NECTIN1: variants seen among roughly 807,000 people sequenced by gnomAD.
The protein encoded by NECTIN1 is nectin cell adhesion molecule 1, also known as nectin-1.
A neutral mutation model predicts 48.0 loss-of-function variants in NECTIN1; 23 were observed. The observed-to-expected ratio is 0.48, with a 90% CI of 0.34 to 0.68. NECTIN1 has a LOEUF of 0.68. Among genes scored for constraint, NECTIN1 ranks in the 30% least tolerant of loss-of-function variants. NECTIN1 has a pLI of 0.01. For synonymous variants in NECTIN1, 270 were observed against 288.9 expected, an observed-to-expected ratio of 0.93 and a Z score of 0.66; for missense variants, 591 against 709.9, an observed-to-expected ratio of 0.83 and a Z score of 1.90.
At chr11:119,671,175 C>T (rs562562383) in intron 5 of NECTIN1, among the ~76,000 whole-genome samples, 5 of 151,690 alleles carry the variant, frequency 3.3e-5, no homozygotes, top group East Asian at 2.0e-4. Flanking sequence ...TGGAGTGGAG[C>T]GTCCTCCCCT....
intron 5 of NECTIN1, among the ~76,000 whole-genome samples, chr11:119,645,912 C>T (rs945626407): frequency 1.3e-5 from 2 of 152,194 alleles, no homozygotes; most frequent in Non-Finnish European, 2.9e-5. Context: ...CTTTCCTTGG[C>T]TCAGACTCAG....
intron 1 of NECTIN1, among the ~76,000 whole-genome samples, chr11:119,719,820 G>GAT (rs1865798467): frequency 6.6e-6 from 1 of 152,214 alleles, no homozygotes; most frequent in African/African-American, 2.4e-5. Flanking sequence ...TGTTGGCAGG[G>GAT]GGTGGCATGG....
intron 5 of NECTIN1, among the ~76,000 whole-genome samples, chr11:119,648,889 C>G (rs1277597064): frequency 6.6e-6 from 1 of 152,162 alleles, no homozygotes; most frequent in East Asian, 1.9e-4. Flanking sequence ...GCTGGCAGGG[C>G]TCCGACACTC....
At position 119,674,572 on chromosome 11, in the gene NECTIN1, G is replaced by A. The variant is rs759999634; in HGVS notation, c.1003+587C>T. The A allele has an allele frequency of 3.5e-5, 56 of 1,614,122 alleles. 1 individual carries two copies. The highest frequency in any genetic ancestry group is 2.6e-4 in the South Asian group (24 of 91,078). On this transcript the variant is annotated intron_variant, in intron 5 of 5. Coordinates refer to ENST00000264025, the MANE Select transcript of NECTIN1 (RefSeq NM_002855.5). ...GACATCAAGCCCATGCTCCTTTCAC[G>A]TCCCAGGTGAAGTCTCTCCTCAGAA...
chr11:119,708,890 G>A (rs1013813828), intron 1 of NECTIN1, among the ~76,000 whole-genome samples: 3 of 152,230 alleles, frequency 2.0e-5, no homozygotes, highest in South Asian at 4.2e-4. Flanking sequence ...ACCCCCAAGC[G>A]TGGGGGCCCT....
intron 5 of NECTIN1, among the ~76,000 whole-genome samples, chr11:119,649,626 G>A (rs1407602294): frequency 6.6e-6 from 1 of 152,148 alleles, no homozygotes; most frequent in Non-Finnish European, 1.5e-5. Flanking sequence ...GGAGGCGGAG[G>A]TTGCAGTGAG....
At chr11:119,679,743 C>T (rs1037472494) in intron 1 of NECTIN1, among the ~76,000 whole-genome samples, 5 of 152,116 alleles carry the variant, frequency 3.3e-5, no homozygotes, top group African/African-American at 9.7e-5. Flanking sequence ...AATTGAGTCC[C>T]GGCCTCCATG....
In NECTIN1 at chr11:119,663,410, A is replaced by C; in HGVS notation, c.*1337T>G. ...AAGAAGGGAATCTGCACTGAAAGGG[A>C]GGGCTTCTCCTAGGCCCTCCCCTCA... On this transcript the variant is annotated 3_prime_UTR_variant, in exon 6 of 6. Transcript: ENST00000264025. The C allele has an allele frequency of 6.1e-6, 6 of 985,438 alleles. No homozygotes were observed. The highest frequency in any genetic ancestry group is 7.2e-6 in the Non-Finnish European group (6 of 829,930). The allele number at this position is 985,438 out of a possible 1,614,324, so 61.0% of individuals were successfully genotyped here. A position where few individuals can be genotyped will look rare whatever the true frequency, so the allele number is the denominator to read the frequency against.
chr11:119,685,366 G>C (rs1039715080), intron 1 of NECTIN1, among the ~76,000 whole-genome samples: 1 of 152,252 alleles, frequency 6.6e-6, no homozygotes, highest in East Asian at 1.9e-4. Flanking sequence ...ACAGTGCGTG[G>C]GAGAGGAGGG....
In NECTIN1 at chr11:119,664,250, A is replaced by G. The variant is rs901945351; in HGVS notation, c.*497T>C. On this transcript the variant is annotated 3_prime_UTR_variant, in exon 6 of 6. Coordinates refer to ENST00000264025, the MANE Select transcript of NECTIN1 (RefSeq NM_002855.5). ...ACCCAAGGTCCAAACTCCCAGCTGC[A>G]TCAGATTTCACTGGTGGGTGTTGGG... 1 of 991,618 alleles carries G rather than the reference A, an allele frequency of 1.0e-6. No homozygotes were observed. The highest frequency in any genetic ancestry group is 1.2e-6 in the Non-Finnish European group (1 of 833,540). The allele number at this position is 991,618 out of a possible 1,614,324, so 61.4% of individuals were successfully genotyped here.
At position 119,675,320 on chromosome 11, in the gene NECTIN1, G is replaced by A. The variant is rs200328730; in HGVS notation, c.852-10C>T. 7.4e-6 allele frequency: 12 copies of A among 1,614,178 alleles called. No individual in the cohort carries two copies. The African/African-American group carries it at 1.5e-4, about 20-fold the overall frequency. Reference sequence around the variant, plus strand: ...GAGAGAGCCATTTAGCCTGTGGGAAGTGGGAGACACAGCGTAGGGTTATGA... The same window carrying A: ...GAGAGAGCCATTTAGCCTGTGGGAAATGGGAGACACAGCGTAGGGTTATGA... On this transcript the variant is annotated splice_polypyrimidine_tract_variant and intron_variant, in intron 4 of 5. Coordinates refer to ENST00000264025, the MANE Select transcript of NECTIN1 (RefSeq NM_002855.5).
intron 1 of NECTIN1, among the ~76,000 whole-genome samples, chr11:119,695,206 GGTC>G (rs1392942111): frequency 6.6e-6 from 1 of 151,914 alleles, no homozygotes; most frequent in Non-Finnish European, 1.5e-5. Flanking sequence ...ACAAGTCCCC[GGTC>G]GCTCTCCACT....
At position 119,674,519 on chromosome 11, in the gene NECTIN1, GGGGCCCT is replaced by G. The variant is rs1190940553; in HGVS notation, c.1003+633_1003+639del. On this transcript the variant is annotated intron_variant, in intron 5 of 5. Coordinates refer to ENST00000264025, the MANE Select transcript of NECTIN1 (RefSeq NM_002855.5). ...TGTCCCCGTTTTACAGATGGTGGGG[GGGGCCCT>G]GTCCAGGGTCACAGCTGTCTGACAT... 7 of 1,613,948 alleles carry G rather than the reference GGGGCCCT, an allele frequency of 4.3e-6. No homozygotes were observed. The African/African-American group carries it at 8.0e-5, about 18-fold the overall frequency.
chr11:119,716,651 C>T (rs1220600632), intron 1 of NECTIN1, among the ~76,000 whole-genome samples: 2 of 152,236 alleles, frequency 1.3e-5, no homozygotes, highest in African/African-American at 2.4e-5. Flanking sequence ...GACTGACCTT[C>T]GCCGGTTCTC....
At chr11:119,674,258 C>G (rs74795287) in intron 5 of NECTIN1, 2 of 1,074,824 alleles carry the variant, frequency 1.9e-6, no homozygotes, top group Non-Finnish European at 2.4e-6. Flanking sequence ...CTCGGTCACC[C>G]TGTCACCCTG....
chr11:119,676,325 C>T (rs181292576), intron 4 of NECTIN1, among the ~76,000 whole-genome samples: 1 of 152,344 alleles, frequency 6.6e-6, no homozygotes, highest in East Asian at 1.9e-4. Context: ...CAGGCTCTGC[C>T]CACTCACACC....
At chr11:119,638,766 T>A in exon 7 of NECTIN1, 1 of 1,614,028 alleles carries the variant, frequency 6.2e-7, no homozygotes, top group South Asian at 1.1e-5. Context: ...CTTTGCCTGC[T>A]GGGAGAAGGC....
intron 5 of NECTIN1, among the ~76,000 whole-genome samples, chr11:119,648,289 A>ATGC (rs1565376468): frequency 0.016 from 171 of 10,756 alleles, 45 homozygotes; most frequent in Non-Finnish European, 0.022. Flanking sequence ...GGTGGTGGTG[A>ATGC]TGGTGGTGGT....
At position 119,678,078 on chromosome 11, in the gene NECTIN1, C is replaced by T. The variant is rs375420524; in HGVS notation, c.431-221G>A. ...GCCCTACTAGTCATATCCCTGTCAT[C>T]GAGCTTAGGCCTCCTGGAGTCCCAG... On this transcript the variant is annotated intron_variant, in intron 2 of 5. Coordinates refer to ENST00000264025, the MANE Select transcript of NECTIN1 (RefSeq NM_002855.5). This position sits in a 1 kb window ranked among gnomAD's most constrained non-coding sequence, Gnocchi z 4.4. Among the ~76,000 whole-genome samples, 18 of 152,150 alleles carry T rather than the reference C, an allele frequency of 1.2e-4. No individual in the cohort carries two copies. Among genetic ancestry groups the T allele is most frequent in the South Asian group, 4.1e-4 (2 of 4,836 alleles).
Sources: allele counts gnomAD v4.1 joint callset (sites outside exome capture counted in the v4.1 genomes callset), GRCh38; gene constraint gnomAD v4.1.1; non-coding constraint Gnocchi (gnomAD v3.1); transcripts MANE v1.5; gene names NCBI Gene and HGNC (gene_info 2026-07-23, HGNC 2026-07-21).